The following SLC25A53 variants were observed in gnomAD, a reference collection of about 807,000 sequenced individuals.
SLC25A53 encodes mitochondrial carrier triple repeat protein 6.
Under a neutral mutation model 15.0 loss-of-function variants are expected in SLC25A53, and 5 were observed. The observed-to-expected ratio is 0.33, with a 90% CI of 0.17 to 0.70. The LOEUF is 0.70. SLC25A53 is among the 30% of genes least tolerant of loss of function. SLC25A53 has a pLI of 0.67. For missense variants in SLC25A53, 216 were observed against 241.6 expected, an observed-to-expected ratio of 0.89 and a Z score of 0.70; for synonymous variants, 95 against 100.0, an observed-to-expected ratio of 0.95 and a Z score of 0.30.
At chrX:104,146,023 A>G (rs2075465434) in intron 1 of SLC25A53, among the ~76,000 whole-genome samples, 1 of 112,098 alleles carries the variant, frequency 8.9e-6, no homozygotes, top group Non-Finnish European at 1.9e-5. Context: ...ATTTCAGACC[A>G]ATATCCCTGA....
At chrX:104,151,311 G>A (rs2075484045) in intron 1 of SLC25A53, among the ~76,000 whole-genome samples, 2 of 111,319 alleles carry the variant, frequency 1.8e-5, no homozygotes, top group African/African-American at 6.5e-5. Flanking sequence ...GTAGGCATAG[G>A]ACATCTCAGT....
At chrX:104,143,187 C>T (rs2075455954) in intron 1 of SLC25A53, among the ~76,000 whole-genome samples, 1 of 107,481 alleles carries the variant, frequency 9.3e-6, no homozygotes, top group South Asian at 3.8e-4. Flanking sequence ...AACCAGAACG[C>T]CTCTTCTCCT....
intron 1 of SLC25A53, among the ~76,000 whole-genome samples, chrX:104,141,121 T>C (rs1248410848): frequency 1.8e-5 from 2 of 111,683 alleles, no homozygotes; most frequent in African/African-American, 6.5e-5. Context: ...TTCTGGAAAT[T>C]ACCCAAAAGC....
At position 104,105,080 on chromosome X, in the gene SLC25A53, T is replaced by C. The variant is rs1254449966; in HGVS notation, c.178A>G (p.Met60Val). Residue 60 changes from methionine (M) to valine (V), a missense_variant, in exon 2 of 2, where the codon ATG becomes GTG. Met to Val is a conservative substitution (Grantham distance 21). Coordinates refer to ENST00000594199, the MANE Select transcript of SLC25A53 (RefSeq NM_001012755.5). ...KVVFRQQIHA[M>V]AVSEAVRQLW... Reference sequence around the variant, plus strand: ...TGTCTCACAGCCTCTGACACTGCCATGGCATGGATCTGTTGCCGGAACACA... The same window carrying C: ...TGTCTCACAGCCTCTGACACTGCCACGGCATGGATCTGTTGCCGGAACACA... 1.6e-6 allele frequency: 2 copies of C among 1,212,276 alleles called. No individual in the cohort carries two copies. Among genetic ancestry groups the C allele is most frequent in the East Asian group, 5.9e-5 (2 of 33,862 alleles).
chrX:104,135,365 A>G (rs2075434135), intron 1 of SLC25A53, among the ~76,000 whole-genome samples: 1 of 108,275 alleles, frequency 9.2e-6, no homozygotes, highest in South Asian at 4.2e-4. Flanking sequence ...GATATATCAC[A>G]CCCCCTGAAT....
intron 1 of SLC25A53, 87 bp downstream of exon 1, chrX:104,156,791 G>C (rs1402810425): frequency 9.0e-6 from 1 of 111,374 alleles, no homozygotes; most frequent in Non-Finnish European, 1.9e-5. Context: ...CGCAACTTCT[G>C]ATCCCCTATC....
At position 104,103,738 on chromosome X, in the gene SLC25A53, C is replaced by T. The variant is rs1164257754; in HGVS notation, c.*596G>A. 2 of 112,609 alleles carry T rather than the reference C, an allele frequency of 1.8e-5. No individual in the cohort carries two copies. The highest frequency in any genetic ancestry group is 2.8e-4 in the East Asian group (1 of 3,600). The allele number at this position is 112,609 out of a possible 1,213,427, so 9.3% of individuals were successfully genotyped here. On this transcript the variant is annotated 3_prime_UTR_variant, in exon 2 of 2. Transcript: ENST00000594199. ...GCCTCTTCTCACTCCCATCTCCAGC[C>T]CCACTAGTTCTTGTGGCACCTGACG...
intron 1 of SLC25A53, among the ~76,000 whole-genome samples, chrX:104,143,228 A>T (rs1309128834): frequency 8.9e-6 from 1 of 111,773 alleles, no homozygotes; most frequent in Non-Finnish European, 1.9e-5. Context: ...ACCAGCAGGG[A>T]AGAAAACTGG....
At chrX:104,119,086 A>C (rs2075386002) in intron 1 of SLC25A53, among the ~76,000 whole-genome samples, 1 of 111,978 alleles carries the variant, frequency 8.9e-6, no homozygotes, top group Admixed American at 9.5e-5. Context: ...CAGCTGCAAC[A>C]ATGAGTGGAG....
At chrX:104,131,385 G>C (rs1488182549) in intron 1 of SLC25A53, among the ~76,000 whole-genome samples, 1 of 111,579 alleles carries the variant, frequency 9.0e-6, no homozygotes, top group Admixed American at 9.5e-5. Context: ...TTACTTGGAG[G>C]CTTGGTTGAT....
At position 104,152,982 on chromosome X, in the gene SLC25A53, T is replaced by C. The variant is rs782323032; in HGVS notation, c.-32+3896A>G. Among the ~76,000 whole-genome samples the C allele has an allele frequency of 3.6e-5, 4 of 111,320 alleles. No homozygotes were observed. The East Asian group carries it at 8.5e-4, about 24-fold the overall frequency. Reference sequence around the variant, plus strand: ...AATTTCTGAAAATGTGTCCTAGCCTTTTTCAGGGTCATGGGAGGGGGTTTG... The same window carrying C: ...AATTTCTGAAAATGTGTCCTAGCCTCTTTCAGGGTCATGGGAGGGGGTTTG... On this transcript the variant is annotated intron_variant, in intron 1 of 1. Transcript: ENST00000594199.
intron 1 of SLC25A53, among the ~76,000 whole-genome samples, chrX:104,155,810 G>A (rs1556371278): frequency 9.0e-6 from 1 of 110,825 alleles, no homozygotes; most frequent in African/African-American, 3.3e-5. Flanking sequence ...TTGGGAGGCC[G>A]AGGCAGGCGG....
At chrX:104,116,182 G>A (rs1602493235) in intron 1 of SLC25A53, among the ~76,000 whole-genome samples, 1 of 110,719 alleles carries the variant, frequency 9.0e-6, no homozygotes. Flanking sequence ...TATTGGGAAG[G>A]GACAACTACT....
chrX:104,142,409 G>A (rs1412102775), intron 1 of SLC25A53, among the ~76,000 whole-genome samples: 1 of 112,032 alleles, frequency 8.9e-6, no homozygotes, highest in African/African-American at 3.2e-5. Context: ...ACAGCTAAAC[G>A]TCTTCACAGT....
At chrX:104,108,176 C>T (rs1556356969) in intron 1 of SLC25A53, among the ~76,000 whole-genome samples, 2 of 111,461 alleles carry the variant, frequency 1.8e-5, no homozygotes, top group African/African-American at 6.5e-5. Flanking sequence ...TGTTAAGATG[C>T]CAGGCTTTGG....
chrX:104,152,469 C>T (rs982987992), intron 1 of SLC25A53, among the ~76,000 whole-genome samples: 21 of 110,438 alleles, frequency 1.9e-4, no homozygotes, highest in Non-Finnish European at 4.0e-4. Flanking sequence ...TCTTGGTTCG[C>T]TCTTGCCGCC....
intron 1 of SLC25A53, among the ~76,000 whole-genome samples, chrX:104,148,853 C>T (rs2075477074): frequency 8.9e-6 from 1 of 112,172 alleles, no homozygotes; most frequent in Non-Finnish European, 1.9e-5. Context: ...AAAAAAAAAT[C>T]TTGTTACTCA....
chrX:104,109,797 C>T (rs1556357491), intron 1 of SLC25A53, among the ~76,000 whole-genome samples: 1 of 112,208 alleles, frequency 8.9e-6, no homozygotes, highest in East Asian at 2.8e-4. Flanking sequence ...TGATAAGAAG[C>T]TTAAAAGAGA....
chrX:104,110,373 C>T (rs1434639614), intron 1 of SLC25A53, among the ~76,000 whole-genome samples: 1 of 111,413 alleles, frequency 9.0e-6, no homozygotes, highest in Non-Finnish European at 1.9e-5. Flanking sequence ...CACCACTACC[C>T]CACTGTTCCA....
Sources: allele counts gnomAD v4.1 joint callset (sites outside exome capture counted in the v4.1 genomes callset), GRCh38; gene constraint gnomAD v4.1.1; transcripts MANE v1.5; gene names NCBI Gene and HGNC (gene_info 2026-07-23, HGNC 2026-07-21).